Variants in NBEA observed in about 807,000 individuals in gnomAD.
The protein encoded by NBEA is lysosomal-trafficking regulator 2.
NBEA carries 44 observed loss-of-function variants against 343.4 expected under a neutral mutation model. That is an observed-to-expected ratio of 0.13 (90% CI 0.10 to 0.16). The LOEUF is 0.16. Among genes scored for constraint, NBEA ranks in the 10% least tolerant of loss-of-function variants. NBEA has a pLI of 1.00. For synonymous variants in NBEA, 1,175 were observed against 1,238.7 expected, an observed-to-expected ratio of 0.95 and a Z score of 1.08; for missense variants, 2,555 against 3,631.3, an observed-to-expected ratio of 0.70 and a Z score of 7.62.
chr13:35,373,681 G>GCTCCA (rs2041576509), intron 38 of NBEA, among the ~76,000 whole-genome samples: 1 of 145,384 alleles, frequency 6.9e-6, no homozygotes, highest in African/African-American at 2.5e-5. Context: ...CTCCAGCCTG[G>GCTCCA]GTGACAGAGG....
chr13:35,431,734 C>T (rs913164993), intron 38 of NBEA, among the ~76,000 whole-genome samples: 18 of 152,158 alleles, frequency 1.2e-4, no homozygotes, highest in South Asian at 1.0e-3. Context: ...CTGTGGGCAG[C>T]GGGGAATTAT....
At chr13:35,332,329 A>C (rs1320041284) in intron 36 of NBEA, among the ~76,000 whole-genome samples, 4 of 152,114 alleles carry the variant, frequency 2.6e-5, no homozygotes, top group African/African-American at 9.7e-5. Context: ...TATAAGAAGA[A>C]GAAATGGCAT....
At chr13:35,251,736 T>A (rs2031988088) in intron 34 of NBEA, 1 of 265,258 alleles carries the variant, frequency 3.8e-6, no homozygotes, top group Non-Finnish European at 6.9e-6. Context: ...CCGATGGAGC[T>A]GTACATGCTC....
chr13:35,125,132 T>A (rs1433520385), intron 17 of NBEA, among the ~76,000 whole-genome samples: 1 of 152,184 alleles, frequency 6.6e-6, no homozygotes, highest in African/African-American at 2.4e-5. Context: ...CCCTTTTTCC[T>A]GTAAAATGTA....
chr13:35,428,287 G>A (rs929522483), intron 38 of NBEA, among the ~76,000 whole-genome samples: 8 of 151,938 alleles, frequency 5.3e-5, no homozygotes, highest in African/African-American at 1.7e-4. Context: ...TCCCCCACCC[G>A]CCATTATTTT....
At chr13:35,348,590 G>T (rs2040008570) in intron 36 of NBEA, among the ~76,000 whole-genome samples, 1 of 152,008 alleles carries the variant, frequency 6.6e-6, no homozygotes, top group South Asian at 2.1e-4. Flanking sequence ...AAGAATTTTA[G>T]ATGTCATTTA....
chr13:35,040,465 G>T lies in NBEA; in HGVS notation c.295-468G>T, dbSNP rs571911314. Among the ~76,000 whole-genome samples, 3 of 151,068 alleles carry T rather than the reference G, an allele frequency of 2.0e-5. No individual in the cohort carries two copies. The South Asian group carries it at 6.3e-4, about 32-fold the overall frequency. On this transcript the variant is annotated intron_variant, in intron 1 of 58. Coordinates refer to ENST00000379939, the MANE Select transcript of NBEA (RefSeq NM_001385012.1). Reference sequence around the variant, plus strand: ...ATTATTTCAATATTTCTTATAAGTTGTATGAGTTTCATATTTCTTTATCTT... The same window carrying T: ...ATTATTTCAATATTTCTTATAAGTTTTATGAGTTTCATATTTCTTTATCTT...
At position 34,965,399 on chromosome 13, in the gene NBEA, C is replaced by G. The variant is rs138626993; in HGVS notation, c.294+22285C>G. ...AAGTGTGTATTAGATACCACAGTAT[C>G]ACAGAGAAGAAAGCAATGAACTATT... is the stretch of plus-strand genomic sequence containing the variant. On this transcript the variant is annotated intron_variant, in intron 1 of 58. Coordinates refer to ENST00000379939, the MANE Select transcript of NBEA (RefSeq NM_001385012.1). Among the ~76,000 whole-genome samples the G allele has an allele frequency of 4.7e-3, 715 of 152,036 alleles. 7 individuals carry two copies. Among genetic ancestry groups the G allele is most frequent in the Non-Finnish European group, 6.7e-3 (457 of 67,934 alleles).
In NBEA at chr13:35,410,457, G is replaced by A. The variant is rs17052210; in HGVS notation, c.6180-21812G>A. ...GAATGGAAGAGTGTCAGAGAAAGAA[G>A]ACCCTGAAATAATACATAGGCAAGA... On this transcript the variant is annotated intron_variant, in intron 38 of 58. Transcript: ENST00000379939. Among the ~76,000 whole-genome samples the A allele has an allele frequency of 5.6e-3, 848 of 152,144 alleles. 8 individuals are homozygous for A. Among genetic ancestry groups the A allele is most frequent in the African/African-American group, 0.019 (789 of 41,522 alleles).
intron 1 of NBEA, among the ~76,000 whole-genome samples, chr13:35,030,969 C>T (rs1446978117): frequency 1.3e-5 from 2 of 151,592 alleles, no homozygotes; most frequent in African/African-American, 4.8e-5. Flanking sequence ...AGCACCCCTG[C>T]AATGAGCCCA....
At chr13:35,314,532 A>G (rs762142972) in intron 36 of NBEA, among the ~76,000 whole-genome samples, 4 of 151,982 alleles carry the variant, frequency 2.6e-5, no homozygotes, top group Non-Finnish European at 5.9e-5. Context: ...TTACCTATCT[A>G]TAGTGTTTAT....
chr13:35,024,987 G>A (rs1163294857), intron 1 of NBEA, among the ~76,000 whole-genome samples: 2 of 152,102 alleles, frequency 1.3e-5, no homozygotes, highest in Non-Finnish European at 2.9e-5. Flanking sequence ...AGAGGTGTCT[G>A]TTCGTGTCCT....
Position 35,308,550 on chromosome 13 carries a change from GTATATATGTATATATGTA to G in NBEA, c.5839-954_5839-937del, listed in dbSNP as rs1455469762. The stretch of plus-strand genomic sequence containing the variant: ...TATATATGTATATATGTATATATAT[GTATATATGTATATATGTA>G]TATATATGTATATATGTATATATGT... On this transcript the variant is annotated intron_variant, in intron 35 of 58. Transcript: ENST00000379939. 7.1e-3 allele frequency among the ~76,000 whole-genome samples: 760 copies of G among 106,438 alleles called. 4 individuals are homozygous for G. Among genetic ancestry groups the G allele is most frequent in the Non-Finnish European group, 8.8e-3 (497 of 56,646 alleles). The allele number at this position is 106,438 out of a possible 152,430, so 69.8% of individuals were successfully genotyped here.
At chr13:35,435,265 G>C (rs1344494102) in intron 39 of NBEA, among the ~76,000 whole-genome samples, 5 of 152,068 alleles carry the variant, frequency 3.3e-5, no homozygotes, top group African/African-American at 9.6e-5. Flanking sequence ...CACCCACCTC[G>C]GTCTCCCAAA....
At chr13:35,401,241 G>C (rs1394967454) in intron 38 of NBEA, among the ~76,000 whole-genome samples, 2 of 151,924 alleles carry the variant, frequency 1.3e-5, no homozygotes, top group South Asian at 2.1e-4. Context: ...AATGGGAATA[G>C]AGCAATGATA....
intron 45 of NBEA, among the ~76,000 whole-genome samples, chr13:35,578,060 A>C (rs560788973): frequency 9.4e-4 from 143 of 152,332 alleles, no homozygotes; most frequent in African/African-American, 3.4e-3. Flanking sequence ...TGATTACAAA[A>C]GATAACACGA....
At chr13:35,482,827 T>C (rs2076171529) in intron 41 of NBEA, among the ~76,000 whole-genome samples, 1 of 151,872 alleles carries the variant, frequency 6.6e-6, no homozygotes, top group South Asian at 2.1e-4. Context: ...TATACCATCA[T>C]AGAAGCTCTA....
At chr13:35,049,105 A>G (rs2062972093) in intron 5 of NBEA, among the ~76,000 whole-genome samples, 3 of 151,868 alleles carry the variant, frequency 2.0e-5, no homozygotes, top group South Asian at 2.1e-4. Flanking sequence ...GATAATAACT[A>G]TGTAAGAAAT....
At chr13:35,256,596 C>T (rs1007412143) in intron 34 of NBEA, among the ~76,000 whole-genome samples, 1 of 152,190 alleles carries the variant, frequency 6.6e-6, no homozygotes, top group African/African-American at 2.4e-5. Flanking sequence ...CCAGGCTGTT[C>T]ATGCCGAGGG....
Sources: allele counts gnomAD v4.1 joint callset (sites outside exome capture counted in the v4.1 genomes callset), GRCh38; gene constraint gnomAD v4.1.1; transcripts MANE v1.5; gene names NCBI Gene and HGNC (gene_info 2026-07-23, HGNC 2026-07-21).